JAKMIP3: variants seen among roughly 807,000 people sequenced by gnomAD.
JAKMIP3 encodes the protein Janus kinase and microtubule interacting protein 3.
JAKMIP3 carries 58 observed loss-of-function variants against 118.5 expected under a neutral mutation model. The ratio of observed to expected loss-of-function variants is 0.49; its 90% CI spans 0.40 to 0.61. The LOEUF (loss-of-function observed/expected upper bound fraction) is 0.61. Among genes scored for constraint, JAKMIP3 ranks in the 20% least tolerant of loss-of-function variants. JAKMIP3 has a pLI of 0.00. For synonymous variants in JAKMIP3, 486 were observed against 451.2 expected (o/e 1.08, Z -0.98); for missense variants, 950 against 1,109.0 (o/e 0.86, Z 2.04).
intron 1 of JAKMIP3, among the ~76,000 whole-genome samples, chr10:132,094,402 A>G (rs1243324881): frequency 6.6e-6 from 1 of 152,090 alleles, no homozygotes. Context: ...TCAGAGGGAA[A>G]GTTTAGGGCT....
intron 23 of JAKMIP3, among the ~76,000 whole-genome samples, chr10:132,180,774 T>TGTGCGTGC (rs2061287449): frequency 1.5e-5 from 1 of 65,850 alleles, no homozygotes; most frequent in Non-Finnish European, 3.0e-5. Context: ...TGTGTGCGTG[T>TGTGCGTGC]GTGTGTGTGC....
chr10:132,057,825 C>T (rs2133835771), intron 1 of JAKMIP3, among the ~76,000 whole-genome samples: 1 of 152,340 alleles, frequency 6.6e-6, no homozygotes, highest in Non-Finnish European at 1.5e-5. Context: ...CTCCCTCAAC[C>T]CAGCATGAAT....
intron 1 of JAKMIP3, among the ~76,000 whole-genome samples, chr10:132,099,223 A>G (rs67764505): frequency 0.17 from 25,267 of 152,080 alleles, 2,701 homozygotes; most frequent in Non-Finnish European, 0.24. Context: ...TAAGGGGGCC[A>G]GCCTCCTCGT....
intron 1 of JAKMIP3, among the ~76,000 whole-genome samples, chr10:132,097,969 C>T (rs1480549208): frequency 2.0e-4 from 4 of 19,712 alleles, no homozygotes; most frequent in Non-Finnish European, 3.7e-4. Context: ...CCCTTTCCTT[C>T]CTTTTCTCCC....
Position 132,180,057 on chromosome 10 carries a change from C to T in JAKMIP3, c.*1104-2300C>T, listed in dbSNP as rs1218945966. ...GGCTACTCAGTTGTGCGCCCCCCACCCACTAACATGCCAGGCCCTCAAAAG... is the reference window on the plus strand; with the variant it reads ...GGCTACTCAGTTGTGCGCCCCCCACTCACTAACATGCCAGGCCCTCAAAAG... On this transcript the variant is annotated intron_variant, in intron 23 of 23. Coordinates refer to ENST00000684848, the MANE Select transcript of JAKMIP3 (RefSeq NM_001323087.2). 6.6e-5 allele frequency among the ~76,000 whole-genome samples: 10 copies of T among 152,206 alleles called. No individual in the cohort carries two copies. The East Asian group carries it at 1.9e-3, about 29-fold the overall frequency.
chr10:132,136,126 G>T (rs758256793), intron 6 of JAKMIP3, 50 bp downstream of exon 6: 7 of 1,591,662 alleles, frequency 4.4e-6, no homozygotes, highest in Non-Finnish European at 6.0e-6. Flanking sequence ...CGAGCTCCAG[G>T]CAGCATCTCC....
At chr10:132,165,716 C>T (rs1263043339) in intron 21 of JAKMIP3, among the ~76,000 whole-genome samples, 1 of 152,226 alleles carries the variant, frequency 6.6e-6, no homozygotes, top group Non-Finnish European at 1.5e-5. Flanking sequence ...GGCCGTGTGT[C>T]ATCCCACATC....
At chr10:132,054,879 C>T (rs374273290) in intron 1 of JAKMIP3, among the ~76,000 whole-genome samples, 18 of 152,002 alleles carry the variant, frequency 1.2e-4, no homozygotes, top group Non-Finnish European at 2.4e-4. Flanking sequence ...ACTCCTACAC[C>T]GAGGACCCTC....
At chr10:132,133,273 T>G in intron 3 of JAKMIP3, 39 bp from the exon 4 acceptor site, 2 of 1,493,612 alleles carry the variant, frequency 1.3e-6, no homozygotes, top group Non-Finnish European at 1.8e-6. Context: ...CAGATCCGTG[T>G]CCTGCCGCCT....
chr10:132,060,788 G>A (rs2038370384), upstream of JAKMIP3, among the ~76,000 whole-genome samples: 1 of 152,212 alleles, frequency 6.6e-6, no homozygotes, highest in South Asian at 2.1e-4. Context: ...GGGAGGCTGA[G>A]GCGGATGGAT....
chr10:132,067,521 T>G (rs1237001191), intron 1 of JAKMIP3, among the ~76,000 whole-genome samples: 1 of 152,266 alleles, frequency 6.6e-6, no homozygotes, highest in African/African-American at 2.4e-5. Flanking sequence ...TGCCCCCGTA[T>G]TTTGGATCGA....
At chr10:132,139,326 GTGTGTT>G (rs796700058) in intron 9 of JAKMIP3, among the ~76,000 whole-genome samples, 5 of 151,120 alleles carry the variant, frequency 3.3e-5, no homozygotes, top group African/African-American at 9.8e-5. Context: ...GTGTATGTGT[GTGTGTT>G]TGTATGTGTG....
upstream of JAKMIP3, among the ~76,000 whole-genome samples, chr10:132,063,042 G>A (rs994905362): frequency 2.0e-5 from 3 of 152,192 alleles, no homozygotes; most frequent in Admixed American, 2.0e-4. Context: ...TGGAGACACC[G>A]GGCCAGCAGG....
chr10:132,047,940 GGGCTCCTCC>G (rs1439031742), intron 1 of JAKMIP3, among the ~76,000 whole-genome samples: 1 of 152,224 alleles, frequency 6.6e-6, no homozygotes, highest in Non-Finnish European at 1.5e-5. Context: ...GTGTCTCCTC[GGGCTCCTCC>G]GGCTGTGGCG....
chr10:132,036,535 G>T (rs2037500649), upstream of JAKMIP3, among the ~76,000 whole-genome samples: 1 of 152,080 alleles, frequency 6.6e-6, no homozygotes, highest in Non-Finnish European at 1.5e-5. Context: ...CGGAGACCGG[G>T]ACTGCGTGGG....
chr10:132,142,489 G>A (rs1488046091), intron 11 of JAKMIP3, among the ~76,000 whole-genome samples: 2 of 150,350 alleles, frequency 1.3e-5, no homozygotes, highest in Non-Finnish European at 2.9e-5. Flanking sequence ...CCCCGGCCCC[G>A]GCCCCGGCCC....
At chr10:132,076,617 C>T (rs1055316031) in intron 1 of JAKMIP3, among the ~76,000 whole-genome samples, 11 of 150,456 alleles carry the variant, frequency 7.3e-5, no homozygotes, top group East Asian at 2.0e-4. Context: ...GACTGGCCTG[C>T]GGTGACCCTG....
rs757635147 is a variant in JAKMIP3, at chr10:132,182,434, G to T, written c.*1181G>T. The T allele has an allele frequency of 6.6e-6, 1 of 152,240 alleles. No individual in the cohort carries two copies. The highest frequency in any genetic ancestry group is 1.5e-5 in the Non-Finnish European group (1 of 68,044). 9.4% of individuals were successfully genotyped at this position (152,240 alleles called of 1,614,324 possible). A position where few individuals can be genotyped will look rare whatever the true frequency, so the allele number is the denominator to read the frequency against. ...CTGGGAGACCCGGGACGCAGCCCGGGAGCTTCGTCCAGCCTGTGGATGGAG... is the reference window on the plus strand; with the variant it reads ...CTGGGAGACCCGGGACGCAGCCCGGTAGCTTCGTCCAGCCTGTGGATGGAG... On this transcript the variant is annotated 3_prime_UTR_variant, in exon 24 of 24. Transcript: ENST00000684848.
At chr10:132,140,651 G>C (rs2053324085) in intron 10 of JAKMIP3, 72 bp downstream of exon 10, 2 of 1,339,896 alleles carry the variant, frequency 1.5e-6, no homozygotes, top group Non-Finnish European at 2.0e-6. Context: ...TCCTGGGCTT[G>C]GAGGAGGTAA....
Sources: gnomAD v4.1 joint callset for allele counts (sites outside exome capture counted in the v4.1 genomes callset) on GRCh38, gnomAD v4.1.1 for gene constraint, MANE v1.5 for transcripts, NCBI Gene and HGNC (gene_info 2026-07-23, HGNC 2026-07-21) for gene names.